Variants in XYLT1 observed in about 807,000 individuals in gnomAD.
XYLT1 encodes the protein xylosyltransferase 1, also known as beta-D-xylosyltransferase 1.
XYLT1 carries 36 observed loss-of-function variants against 91.3 expected under a neutral mutation model. The observed-to-expected ratio is 0.39, with a 90% CI of 0.30 to 0.52. XYLT1 has a LOEUF of 0.52. Ranked by LOEUF, XYLT1 falls within the 20% of genes least tolerant of loss-of-function variation. XYLT1 has a pLI of 0.68. For synonymous variants in XYLT1, 588 were observed against 532.0 expected (o/e 1.11, Z -1.45); for missense variants, 1,242 against 1,284.5 (o/e 0.97, Z 0.51).
Position 17,108,489 on chromosome 16 carries a change from G to A in XYLT1, c.*206C>T, listed in dbSNP as rs1195544237. 51 of 532,674 alleles carry A rather than the reference G, an allele frequency of 9.6e-5. No individual in the cohort carries two copies. The Admixed American group carries it at 1.7e-3, about 18-fold the overall frequency. The allele number at this position is 532,674 out of a possible 1,614,324, so 33.0% of individuals were successfully genotyped here. ...GAGACAGTCACAGTGCAGGGACTGA[G>A]CCATCCCACCCGCAGCTTGCCAAAG... On this transcript the variant is annotated 3_prime_UTR_variant, in exon 12 of 12. Coordinates refer to ENST00000261381, the MANE Select transcript of XYLT1 (RefSeq NM_022166.4).
intron 1 of XYLT1, among the ~76,000 whole-genome samples, chr16:17,405,955 T>C (rs555055277): frequency 6.6e-6 from 1 of 152,134 alleles, no homozygotes; most frequent in South Asian, 2.1e-4. Flanking sequence ...GAGGCTGAGG[T>C]GGGTGGATCA....
Position 17,198,243 on chromosome 16 carries a change from T to C in XYLT1, c.1258A>G (p.Ile420Val), listed in dbSNP as rs768990190. 6.2e-7 allele frequency: 1 copy of C among 1,614,176 alleles called. No homozygotes were observed. The highest frequency in any genetic ancestry group is 8.5e-7 in the Non-Finnish European group (1 of 1,180,022). The change falls in exon 5 of 12, where the codon ATC becomes GTC. Residue 420 changes from isoleucine to valine, a missense_variant. By Grantham distance (29) the Ile-to-Val change is conservative (BLOSUM62 3). Transcript: ENST00000261381. ...GGGTAGTCGGCCGCACTCAGGTTGA[T>C]GAAGAAGTCCCAGGGCCAGTCGGTC... ...EMTDWPWDFF[I>V]NLSAADYPIR...
intron 2 of XYLT1, among the ~76,000 whole-genome samples, chr16:17,280,070 G>C (rs900090839): frequency 6.6e-6 from 1 of 152,180 alleles, no homozygotes; most frequent in African/African-American, 2.4e-5. Context: ...AGCTATCCAG[G>C]CTGGGCGTGG....
chr16:17,448,899 C>T (rs934326911), intron 1 of XYLT1, among the ~76,000 whole-genome samples: 4 of 152,054 alleles, frequency 2.6e-5, no homozygotes, highest in African/African-American at 9.7e-5. Context: ...CATCATCATC[C>T]CCATTTTACA....
In XYLT1 at chr16:17,462,699, G is replaced by A. The variant is rs184025236; in HGVS notation, c.363+7735C>T. Among the ~76,000 whole-genome samples, 11 of 152,258 alleles carry A rather than the reference G, an allele frequency of 7.2e-5. No individual in the cohort carries two copies. In the East Asian group the frequency reaches 2.1e-3, roughly 29 times the overall value. ...GGAAGTCTGTTGTGGTTGAAAGAAAGGCCATTGTCCCCGGCCAAAGAACCC... is the reference window on the plus strand; with the variant it reads ...GGAAGTCTGTTGTGGTTGAAAGAAAAGCCATTGTCCCCGGCCAAAGAACCC... On this transcript the variant is annotated intron_variant, in intron 1 of 11. Transcript: ENST00000261381.
chr16:17,398,796 A>C (rs2035922931), intron 1 of XYLT1, among the ~76,000 whole-genome samples: 1 of 141,124 alleles, frequency 7.1e-6, no homozygotes, highest in African/African-American at 2.7e-5. Context: ...CCCTGTGTGC[A>C]TGGCTATGTC....
intron 1 of XYLT1, among the ~76,000 whole-genome samples, chr16:17,456,725 T>G (rs1455009866): frequency 1.3e-5 from 2 of 152,148 alleles, no homozygotes; most frequent in Non-Finnish European, 2.9e-5. Flanking sequence ...TGCATGGCAT[T>G]TGACACACAG....
intron 1 of XYLT1, among the ~76,000 whole-genome samples, chr16:17,444,170 G>C (rs2036565096): frequency 6.6e-6 from 1 of 152,246 alleles, no homozygotes; most frequent in South Asian, 2.1e-4. Context: ...CCTCCTCAAG[G>C]AGGCCTTCCC....
chr16:17,147,071 T>C (rs771910938), intron 6 of XYLT1, among the ~76,000 whole-genome samples: 7 of 152,202 alleles, frequency 4.6e-5, no homozygotes, highest in Non-Finnish European at 8.8e-5. Context: ...AGACAGACAA[T>C]GGAAGACAGA....
chr16:17,440,824 C>T (rs1036000273), intron 1 of XYLT1, among the ~76,000 whole-genome samples: 1 of 152,064 alleles, frequency 6.6e-6, no homozygotes, highest in Non-Finnish European at 1.5e-5. Context: ...GTAAGTTTCA[C>T]ACTTTGGGTC....
At chr16:17,465,318 G>A (rs1445377358) in intron 1 of XYLT1, among the ~76,000 whole-genome samples, 3 of 152,026 alleles carry the variant, frequency 2.0e-5, no homozygotes, top group Non-Finnish European at 4.4e-5. Context: ...AACTTCATGA[G>A]CAAGCAGCTT....
At chr16:17,427,325 G>T (rs914557201) in intron 1 of XYLT1, among the ~76,000 whole-genome samples, 1 of 152,272 alleles carries the variant, frequency 6.6e-6, no homozygotes, top group Non-Finnish European at 1.5e-5. Flanking sequence ...CTGAGACAGA[G>T]TCTGGCTCTG....
chr16:17,326,180 T>C (rs936977229), intron 2 of XYLT1, among the ~76,000 whole-genome samples: 1 of 73,568 alleles, frequency 1.4e-5, no homozygotes, highest in African/African-American at 1.6e-4. Context: ...TAACATGAGA[T>C]CTACTCTCAA....
intron 2 of XYLT1, among the ~76,000 whole-genome samples, chr16:17,293,856 AG>A: frequency 6.6e-6 from 1 of 152,286 alleles, no homozygotes; most frequent in South Asian, 2.1e-4. Flanking sequence ...ATTGCCCAGC[AG>A]TTGCAGGCAA....
intron 9 of XYLT1, among the ~76,000 whole-genome samples, chr16:17,130,842 A>C (rs1394462203): frequency 6.6e-6 from 1 of 150,874 alleles, no homozygotes; most frequent in Non-Finnish European, 1.5e-5. Context: ...GTAAAATCCA[A>C]ACTCCTTACC....
chr16:17,461,930 A>G (rs369868853), intron 1 of XYLT1, among the ~76,000 whole-genome samples: 1 of 152,234 alleles, frequency 6.6e-6, no homozygotes, highest in Admixed American at 6.5e-5. Context: ...ATTCAATAAA[A>G]GCATGTCTTT....
intron 6 of XYLT1, among the ~76,000 whole-genome samples, chr16:17,154,298 T>C (rs1220594352): frequency 1.3e-5 from 2 of 152,224 alleles, no homozygotes; most frequent in African/African-American, 4.8e-5. Context: ...ATCTATGCTC[T>C]GGCACTTCAC....
intron 1 of XYLT1, among the ~76,000 whole-genome samples, chr16:17,428,719 T>C (rs1252033654): frequency 6.6e-6 from 1 of 152,216 alleles, no homozygotes; most frequent in Non-Finnish European, 1.5e-5. Context: ...CTTTCGGCCG[T>C]GTGGTAGTTT....
intron 10 of XYLT1, among the ~76,000 whole-genome samples, chr16:17,122,370 T>C (rs950070144): frequency 1.3e-5 from 2 of 152,248 alleles, no homozygotes; most frequent in African/African-American, 4.8e-5. Flanking sequence ...TTTTTTCATA[T>C]GTTCGTTGGC....
Sources: gnomAD v4.1 joint callset for allele counts (sites outside exome capture counted in the v4.1 genomes callset) on GRCh38, gnomAD v4.1.1 for gene constraint, MANE v1.5 for transcripts, NCBI Gene and HGNC (gene_info 2026-07-23, HGNC 2026-07-21) for gene names.